Variants in DUSP22 observed in about 807,000 individuals in gnomAD.
DUSP22 encodes dual specificity phosphatase 22, also known as dual specificity protein phosphatase 22.
Under a neutral mutation model 24.5 loss-of-function variants are expected in DUSP22, and 24 were observed. The observed-to-expected ratio is 0.98, with a 90% CI of 0.71 to 1.38. The LOEUF is 1.38. Among genes scored for constraint, DUSP22 ranks in the 40% most tolerant of loss-of-function variants. The pLI is 0.00. For missense variants in DUSP22, 330 were observed against 269.2 expected (o/e 1.23, Z -1.58); for synonymous variants, 160 against 106.4 (o/e 1.50, Z -3.10).
At chr6:345,762 C>T in intron 4 of DUSP22, 92 bp from the exon 5 acceptor site, 8 of 1,479,828 alleles carry the variant, frequency 5.4e-6, no homozygotes, top group Non-Finnish European at 7.4e-6. Context: ...AATCAATTAA[C>T]ATTTTAAGAA....
At position 349,569 on chromosome 6, in the gene DUSP22, G is replaced by A. The variant is rs1242327150; in HGVS notation, c.*618G>A. On this transcript the variant is annotated 3_prime_UTR_variant, in exon 7 of 7. Transcript: ENST00000419235. ...CCCAGAACCCACCCAGGGTGGTGTG[G>A]TGGGGGCAACAGGGGCCAGACTCCT... The A allele has an allele frequency of 2.0e-6, 2 of 989,014 alleles. No individual in the cohort carries two copies. The highest frequency in any genetic ancestry group is 2.4e-6 in the Non-Finnish European group (2 of 832,700). 61.3% of individuals were successfully genotyped at this position (989,014 alleles called of 1,614,324 possible).
intron 3 of DUSP22, among the ~76,000 whole-genome samples, chr6:315,885 G>A (rs575628488): frequency 2.2e-4 from 33 of 152,410 alleles, no homozygotes; most frequent in Admixed American, 3.9e-4. Context: ...CAAGATACGC[G>A]TTGTAGCTGC....
chr6:312,458 T>TTTTA (rs1758154296), intron 3 of DUSP22, among the ~76,000 whole-genome samples: 1 of 151,540 alleles, frequency 6.6e-6, no homozygotes, highest in South Asian at 2.1e-4. Context: ...AGCTGTTGTG[T>TTTTA]TTTAGGTTTT....
At chr6:293,929 T>C (rs975499807) in intron 1 of DUSP22, among the ~76,000 whole-genome samples, 1 of 152,128 alleles carries the variant, frequency 6.6e-6, no homozygotes, top group South Asian at 2.1e-4. Context: ...GCTTTTTAAA[T>C]TAAAACAGAA....
intron 1 of DUSP22, among the ~76,000 whole-genome samples, chr6:302,606 T>C (rs540297427): frequency 6.6e-6 from 1 of 152,426 alleles, no homozygotes; most frequent in South Asian, 2.1e-4. Flanking sequence ...ACCTCTACGC[T>C]GAGTGCCCGG....
At chr6:332,531 CCA>C (rs1469715210) in intron 3 of DUSP22, among the ~76,000 whole-genome samples, 1 of 152,308 alleles carries the variant, frequency 6.6e-6, no homozygotes, top group Non-Finnish European at 1.5e-5. Flanking sequence ...GGGAACACAA[CCA>C]CACATGGAGA....
At chr6:332,645 T>TTC in intron 3 of DUSP22, among the ~76,000 whole-genome samples, 1 of 106 alleles carries the variant, frequency 9.4e-3, no homozygotes, top group Middle Eastern at 0.25. Flanking sequence ...CCTGTCCTTC[T>TTC]TTTTTTTTTT....
chr6:294,264 A>C (rs1459940841), intron 1 of DUSP22, among the ~76,000 whole-genome samples: 13 of 152,412 alleles, frequency 8.5e-5, no homozygotes, highest in Middle Eastern at 3.4e-3. Flanking sequence ...TCAATGAAGA[A>C]ATACATGTAT....
intron 3 of DUSP22, among the ~76,000 whole-genome samples, chr6:315,721 C>T (rs1483475926): frequency 2.0e-5 from 3 of 152,294 alleles, no homozygotes; most frequent in African/African-American, 7.2e-5. Flanking sequence ...ACATCCCGTC[C>T]CTTTCCAGAA....
chr6:348,890 G>A lies in DUSP22; in HGVS notation c.557G>A (p.Arg186Gln), dbSNP rs371009476. The change falls in exon 7 of 7, where the codon CGG (arginine) becomes CAG (glutamine). Residue 186 changes from arginine (R) to glutamine (Q), a missense_variant. Transcript: ENST00000419235. The part of the protein sequence containing the change: ...GRTEPQPGAR[R>Q]WSSFPALAPL... ...ACAGAGCCCCAGCCCGGCGCCAGGCGGTGGAGCAGTTTTCCGGCACTGGCT... is the reference window on the plus strand; with the variant it reads ...ACAGAGCCCCAGCCCGGCGCCAGGCAGTGGAGCAGTTTTCCGGCACTGGCT... 104 of 1,613,982 alleles carry A rather than the reference G, an allele frequency of 6.4e-5. No individual in the cohort carries two copies. The East Asian group carries it at 6.5e-4, about 10-fold the overall frequency.
chr6:349,043 A>G lies in DUSP22; in HGVS notation c.*92A>G. 2 of 1,513,000 alleles carry G rather than the reference A, an allele frequency of 1.3e-6. No homozygotes were observed. Among genetic ancestry groups the G allele is most frequent in the Non-Finnish European group, 1.8e-6 (2 of 1,129,164 alleles). 93.7% of individuals were successfully genotyped at this position (1,513,000 alleles called of 1,614,324 possible). A position where few individuals can be genotyped will look rare whatever the true frequency, so the allele number is the denominator to read the frequency against. ...GTGGTGGTGGCCGATGAGGACAGGA[A>G]AGGGAGATAGCCAGGGCGAGGTGGG... On this transcript the variant is annotated 3_prime_UTR_variant, in exon 7 of 7. Coordinates refer to ENST00000419235, the MANE Select transcript of DUSP22 (RefSeq NM_001286555.3).
At chr6:307,480 A>G (rs1757862716) in intron 2 of DUSP22, among the ~76,000 whole-genome samples, 1 of 152,302 alleles carries the variant, frequency 6.6e-6, no homozygotes, top group Admixed American at 6.5e-5. Flanking sequence ...AGAACCACAA[A>G]CAAACCCAGC....
intron 1 of DUSP22, among the ~76,000 whole-genome samples, chr6:301,034 G>T (rs796500232): frequency 6.4e-4 from 97 of 152,376 alleles, no homozygotes; most frequent in African/African-American, 2.2e-3. Context: ...CCCTGCAGCC[G>T]GCGTGCAGAC....
chr6:322,085 T>C (rs899908637), intron 3 of DUSP22, among the ~76,000 whole-genome samples: 2 of 152,300 alleles, frequency 1.3e-5, no homozygotes, highest in African/African-American at 4.8e-5. Context: ...ATCATCTACA[T>C]AGTGTACACA....
intron 3 of DUSP22, among the ~76,000 whole-genome samples, chr6:322,568 G>A (rs562448951): frequency 1.0e-4 from 16 of 152,406 alleles, no homozygotes; most frequent in Admixed American, 7.2e-4. Context: ...ACTAGGTGAC[G>A]TGAATAGCAA....
At chr6:347,515 G>T (rs149420515) in intron 5 of DUSP22, among the ~76,000 whole-genome samples, 1 of 152,302 alleles carries the variant, frequency 6.6e-6, no homozygotes, top group African/African-American at 2.4e-5. Flanking sequence ...GACCCTAACC[G>T]TTACTGCCTG....
intron 3 of DUSP22, among the ~76,000 whole-genome samples, chr6:326,382 A>G (rs1758871745): frequency 6.9e-6 from 1 of 144,700 alleles, no homozygotes; most frequent in Non-Finnish European, 1.5e-5. Context: ...GCCTGGAGTC[A>G]TCTGCCCTGG....
intron 2 of DUSP22, among the ~76,000 whole-genome samples, chr6:310,854 C>A (rs1234844637): frequency 6.6e-6 from 1 of 152,304 alleles, no homozygotes; most frequent in African/African-American, 2.4e-5. Flanking sequence ...ATGATGTAAT[C>A]CATGTAATCC....
chr6:309,653 G>A (rs972759796), intron 2 of DUSP22, among the ~76,000 whole-genome samples: 28 of 152,164 alleles, frequency 1.8e-4, no homozygotes, highest in Non-Finnish European at 3.2e-4. Flanking sequence ...TTCCTAGGGT[G>A]TTAAACTTCA....
Sources: allele counts gnomAD v4.1 joint callset (sites outside exome capture counted in the v4.1 genomes callset), GRCh38; gene constraint gnomAD v4.1.1; transcripts MANE v1.5; gene names NCBI Gene and HGNC (gene_info 2026-07-23, HGNC 2026-07-21).